Variants in UBE2F observed in about 807,000 individuals in gnomAD.
The protein encoded by UBE2F is NEDD8-conjugating enzyme UBE2F.
UBE2F carries 5 observed loss-of-function variants against 29.6 expected under a neutral mutation model. The ratio of observed to expected loss-of-function variants is 0.17; its 90% confidence interval spans 0.09 to 0.36. The LOEUF (loss-of-function observed/expected upper bound fraction) is 0.36, where lower values mean the gene tolerates loss of function less well. Among genes scored for constraint, UBE2F ranks in the 10% least tolerant of loss-of-function variants. The pLI is 1.00. For synonymous variants in UBE2F, 66 were observed against 81.8 expected, an observed-to-expected ratio of 0.81 and a Z score of 1.04; for missense variants, 141 against 228.5, an observed-to-expected ratio of 0.62 and a Z score of 2.47.
intron 8 of UBE2F, among the ~76,000 whole-genome samples, chr2:238,034,917 G>A (rs2064671651): frequency 6.6e-6 from 1 of 151,276 alleles, no homozygotes; most frequent in Non-Finnish European, 1.5e-5. Flanking sequence ...TTTTGAGACC[G>A]AGTCTTGCTC....
intron 3 of UBE2F, among the ~76,000 whole-genome samples, 200 bp downstream of exon 3, chr2:237,988,192 A>C (rs745966439): frequency 1.3e-5 from 2 of 152,166 alleles, no homozygotes; most frequent in Non-Finnish European, 2.9e-5. Flanking sequence ...TCATGCTGCT[A>C]GTCTCAGCAC....
intron 5 of UBE2F, among the ~76,000 whole-genome samples, chr2:238,018,055 G>A (rs2106385782): frequency 6.6e-6 from 1 of 152,168 alleles, no homozygotes; most frequent in East Asian, 1.9e-4. Context: ...TTTTAAATTT[G>A]TAGACAAAGA....
chr2:238,029,632 T>C (rs1311426727), intron 6 of UBE2F, among the ~76,000 whole-genome samples: 1 of 151,638 alleles, frequency 6.6e-6, no homozygotes, highest in Non-Finnish European at 1.5e-5. Flanking sequence ...TAAAATGTCA[T>C]ATGCTGGGAG....
At chr2:237,974,926 A>C (rs1298840477) in intron 2 of UBE2F, among the ~76,000 whole-genome samples, 1 of 146,794 alleles carries the variant, frequency 6.8e-6, no homozygotes, top group Non-Finnish European at 1.5e-5. Context: ...TAGGATTGCA[A>C]GTGTGAGCCA....
chr2:238,032,170 A>T lies in UBE2F; in HGVS notation c.412-52A>T, dbSNP rs2064596649. ...TATTTCTTGATCATGGGTTTAAAAG[A>T]CTAGGTGCACTTTGGCTTAAAACTT... On this transcript the variant is annotated intron_variant, in intron 7 of 9. Transcript: ENST00000272930. The T allele has an allele frequency of 2.7e-6, 4 of 1,454,904 alleles. No homozygotes were observed. The Admixed American group carries it at 6.8e-5, about 25-fold the overall frequency. 90.1% of individuals were successfully genotyped at this position (1,454,904 alleles called of 1,614,324 possible).
intron 3 of UBE2F, among the ~76,000 whole-genome samples, chr2:237,990,893 G>A (rs2063574512): frequency 6.6e-6 from 1 of 152,098 alleles, no homozygotes; most frequent in African/African-American, 2.4e-5. Context: ...TGAGATGACA[G>A]GCACGAGCCA....
intron 4 of UBE2F, among the ~76,000 whole-genome samples, chr2:238,001,089 C>A (rs186753708): frequency 4.6e-5 from 6 of 131,420 alleles, no homozygotes; most frequent in Non-Finnish European, 6.1e-5. Flanking sequence ...GGCTGGAGTG[C>A]AATGGTGCAA....
rs2063094973 is a variant in UBE2F, at chr2:237,967,969, GCTT to G, written c.-17+841_-17+843del. ...GGATGGGTTGGAATAGCCAGAGAAA[GCTT>G]CTTGGAGGAGGAGATGTTGGGATGT... On this transcript the variant is annotated intron_variant, in intron 1 of 9. Coordinates refer to ENST00000272930, the MANE Select transcript of UBE2F (RefSeq NM_080678.3). This position sits in a 1 kb window ranked among gnomAD's most constrained non-coding sequence, Gnocchi z 6.3. 1.3e-5 allele frequency among the ~76,000 whole-genome samples: 2 copies of G among 152,166 alleles called. No individual in the cohort carries two copies. Among genetic ancestry groups the G allele is most frequent in the Non-Finnish European group, 1.5e-5 (1 of 68,030 alleles).
chr2:238,003,378 G>C, intron 4 of UBE2F: 1 of 470,910 alleles, frequency 2.1e-6, no homozygotes, highest in South Asian at 1.5e-5. Flanking sequence ...AATTTGGCTG[G>C]TGTGATGCTT....
At chr2:238,012,713 C>T (rs1249027313) in intron 4 of UBE2F, among the ~76,000 whole-genome samples, 3 of 152,178 alleles carry the variant, frequency 2.0e-5, no homozygotes, top group Non-Finnish European at 4.4e-5. Context: ...ACAGCCATCT[C>T]ACTCTGAGCT....
chr2:237,990,324 AT>A, intron 3 of UBE2F: 2 of 424,468 alleles, frequency 4.7e-6, no homozygotes, highest in Admixed American at 6.3e-5. Flanking sequence ...TAAAAATAAA[AT>A]AAAATAATCC....
In UBE2F at chr2:238,025,383, C is replaced by T. The variant is rs1026898563; in HGVS notation, c.324C>T (p.Asn108=). ...GCCTGACCAAGATCTGGCACCCCAA[C>T]ATCACAGAGACAGGGGAAATATGTC... ...VKCLTKIWHP[N]ITETGEICLS... is the part of the protein sequence containing the mutation. The change falls in exon 6 of 10, where the codon AAC becomes AAT. Residue 108 remains asparagine, a synonymous_variant. Transcript: ENST00000272930. 1.2e-6 allele frequency: 2 copies of T among 1,613,950 alleles called. No individual in the cohort carries two copies. Among genetic ancestry groups the T allele is most frequent in the African/African-American group, 1.3e-5 (1 of 74,922 alleles).
chr2:238,033,664 T>C (rs1199544247), intron 8 of UBE2F, among the ~76,000 whole-genome samples: 4 of 152,194 alleles, frequency 2.6e-5, no homozygotes, highest in African/African-American at 9.7e-5. Context: ...CCACCTTTTG[T>C]CTTTCTGTCA....
rs1197439952 is a variant in UBE2F, at chr2:237,967,756, C to T, written c.-17+624C>T. On this transcript the variant is annotated intron_variant, in intron 1 of 9. Coordinates refer to ENST00000272930, the MANE Select transcript of UBE2F (RefSeq NM_080678.3). The surrounding 1 kb of genome is among the most constrained non-coding windows in gnomAD (Gnocchi z 6.3). ...CTAGTTTGGAAAATTTTTACCACAG[C>T]AAAGGAGACGAGGAAGGAAGGGCAT... Among the ~76,000 whole-genome samples, 1 of 152,176 alleles carries T rather than the reference C, an allele frequency of 6.6e-6. No homozygotes were observed. The highest frequency in any genetic ancestry group is 1.5e-5 in the Non-Finnish European group (1 of 68,026).
chr2:237,968,378 T>G (rs530840329), intron 1 of UBE2F, among the ~76,000 whole-genome samples: 23 of 152,266 alleles, frequency 1.5e-4, no homozygotes, highest in African/African-American at 5.5e-4. Context: ...CGTACTCCTG[T>G]GCCGAGCAGG....
In UBE2F at chr2:237,982,026, G is replaced by C. The variant is rs1376817234; in HGVS notation, c.119-5937G>C. 6.6e-6 allele frequency among the ~76,000 whole-genome samples: 1 copy of C among 152,108 alleles called. No homozygotes were observed. The highest frequency in any genetic ancestry group is 1.9e-4 in the East Asian group (1 of 5,194). On this transcript the variant is annotated intron_variant, in intron 2 of 9. Transcript: ENST00000272930. The surrounding 1 kb of genome is among the most constrained non-coding windows in gnomAD (Gnocchi z 4.1). ...AGTTTTAAAAGCTCAGCAGGTACTG[G>C]ATTGTGGTAATGGATCCATAGCTCC...
intron 4 of UBE2F, among the ~76,000 whole-genome samples, chr2:238,007,094 C>T (rs1197937928): frequency 6.6e-6 from 1 of 151,372 alleles, no homozygotes; most frequent in Non-Finnish European, 1.5e-5. Context: ...GTCAGTCTTT[C>T]ATCATTACGT....
At position 238,007,508 on chromosome 2, in the gene UBE2F, T is replaced by G. The variant is rs542522298; in HGVS notation, c.215-9058T>G. On this transcript the variant is annotated intron_variant, in intron 4 of 9. Transcript: ENST00000272930. ...TTGCATATATACATATATATGTATATGTATGTATGTATTTTTTTTTTAATC... is the reference window on the plus strand; with the variant it reads ...TTGCATATATACATATATATGTATAGGTATGTATGTATTTTTTTTTTAATC... Among the ~76,000 whole-genome samples, 6 of 80,998 alleles carry G rather than the reference T, an allele frequency of 7.4e-5. No individual in the cohort carries two copies. In the South Asian group the frequency reaches 1.8e-3, roughly 24 times the overall value. 53.1% of individuals were successfully genotyped at this position (80,998 alleles called of 152,430 possible).
intron 1 of UBE2F, among the ~76,000 whole-genome samples, chr2:237,969,556 G>A (rs1440640375): frequency 6.6e-6 from 1 of 152,144 alleles, no homozygotes; most frequent in African/African-American, 2.4e-5. Context: ...CTTGTGTAGG[G>A]CATCTGGTGC....
Sources: gnomAD v4.1 joint callset for allele counts (sites outside exome capture counted in the v4.1 genomes callset) on GRCh38, gnomAD v4.1.1 for gene constraint, Gnocchi (gnomAD v3.1) non-coding constraint, MANE v1.5 for transcripts, NCBI Gene and HGNC (gene_info 2026-07-23, HGNC 2026-07-21) for gene names.